Variants in CACNA2D3 observed in about 807,000 individuals in gnomAD.
CACNA2D3 encodes the protein calcium voltage-gated channel auxiliary subunit alpha2delta 3.
Under a neutral mutation model 160.6 loss-of-function variants are expected in CACNA2D3, and 60 were observed. The ratio of observed to expected loss-of-function variants is 0.37; its 90% CI spans 0.30 to 0.46. CACNA2D3 has a LOEUF of 0.46. Ranked by LOEUF, CACNA2D3 falls within the 20% of genes least tolerant of loss-of-function variation. The probability of loss-of-function intolerance (pLI) is 1.00; values close to 1 mark genes in which losing one functional copy is unlikely to be tolerated. For synonymous variants in CACNA2D3, 558 were observed against 492.9 expected, an observed-to-expected ratio of 1.13 and a Z score of -1.75; for missense variants, 1,205 against 1,365.0, an observed-to-expected ratio of 0.88 and a Z score of 1.85.
intron 2 of CACNA2D3, among the ~76,000 whole-genome samples, chr3:54,205,929 A>T (rs1199821961): frequency 6.6e-6 from 1 of 152,218 alleles, no homozygotes; most frequent in Non-Finnish European, 1.5e-5. Flanking sequence ...AAGTACGCTC[A>T]TGTGATATTT....
intron 4 of CACNA2D3, among the ~76,000 whole-genome samples, chr3:54,450,296 C>T (rs1262833712): frequency 6.6e-6 from 1 of 152,202 alleles, no homozygotes; most frequent in Non-Finnish European, 1.5e-5. Context: ...ACAATTTAGC[C>T]TACAACATAT....
At chr3:54,543,774 C>G (rs1356625253) in intron 5 of CACNA2D3, among the ~76,000 whole-genome samples, 1 of 152,198 alleles carries the variant, frequency 6.6e-6, no homozygotes, top group South Asian at 2.1e-4. Flanking sequence ...TTGTCTTTCT[C>G]TTTGGCACAA....
intron 2 of CACNA2D3, among the ~76,000 whole-genome samples, chr3:54,150,487 G>T (rs1700127707): frequency 6.6e-6 from 1 of 152,160 alleles, no homozygotes; most frequent in Non-Finnish European, 1.5e-5. Flanking sequence ...TTCCTGTCTT[G>T]CTTCTTCAGC....
At chr3:54,377,551 A>C (rs964238517) in intron 3 of CACNA2D3, among the ~76,000 whole-genome samples, 3 of 152,166 alleles carry the variant, frequency 2.0e-5, no homozygotes, top group African/African-American at 7.2e-5. Context: ...CCTTTGGGAA[A>C]TTTTTGTATG....
intron 2 of CACNA2D3, among the ~76,000 whole-genome samples, chr3:54,201,345 A>G (rs1421278144): frequency 6.6e-6 from 1 of 152,246 alleles, no homozygotes. Context: ...TTAAACAATT[A>G]GAGCCATGAT....
rs147882910 is a variant in CACNA2D3, at chr3:54,380,228, C to T, written c.322-6487C>T. 2.8e-3 allele frequency among the ~76,000 whole-genome samples: 430 copies of T among 152,276 alleles called. 4 individuals carry two copies. Among genetic ancestry groups the T allele is most frequent in the Middle Eastern group, 0.02 (6 of 294 alleles). On this transcript the variant is annotated intron_variant, in intron 3 of 37. Transcript: ENST00000474759. ...TCCTGGAAACATCTTTTGATGTGCTCAGTGCCCTTAATGAGGGTAGAGATT... is the reference window on the plus strand; with the variant it reads ...TCCTGGAAACATCTTTTGATGTGCTTAGTGCCCTTAATGAGGGTAGAGATT...
At chr3:54,936,461 T>G (rs928093798) in intron 27 of CACNA2D3, among the ~76,000 whole-genome samples, 1 of 152,192 alleles carries the variant, frequency 6.6e-6, no homozygotes, top group Non-Finnish European at 1.5e-5. Context: ...AAGTTGATTG[T>G]TAGTATCATG....
chr3:54,993,920 GTT>G (rs1215797990), intron 31 of CACNA2D3, among the ~76,000 whole-genome samples: 1 of 133,016 alleles, frequency 7.5e-6, no homozygotes, highest in East Asian at 2.2e-4. Flanking sequence ...GTGTGTGTGT[GTT>G]TTGTGTGTGT....
intron 4 of CACNA2D3, among the ~76,000 whole-genome samples, chr3:54,393,017 G>A (rs971956456): frequency 1.3e-5 from 2 of 152,178 alleles, no homozygotes; most frequent in South Asian, 2.1e-4. Flanking sequence ...GGATTTTGAT[G>A]AAAATAACTA....
intron 11 of CACNA2D3, among the ~76,000 whole-genome samples, chr3:54,661,891 T>TGTGTGTGTG (rs1575411653): frequency 2.1e-5 from 3 of 145,102 alleles, no homozygotes; most frequent in Admixed American, 1.4e-4. Flanking sequence ...TGTGTGTGTG[T>TGTGTGTGTG]TAAAAAGATA....
rs3028897 is a variant in CACNA2D3, at chr3:54,445,555, TACACAC to T, written c.382-57908_382-57903del. On this transcript the variant is annotated intron_variant, in intron 4 of 37. Coordinates refer to ENST00000474759, the MANE Select transcript of CACNA2D3 (RefSeq NM_018398.3). ...TATGTATACTTTTTATTTCTATGTA[TACACAC>T]ACACACACACACACACACACACACA... Among the ~76,000 whole-genome samples, 1,359 of 147,170 alleles carry T rather than the reference TACACAC, an allele frequency of 9.2e-3. 22 individuals carry two copies. The highest frequency in any genetic ancestry group is 0.03 in the African/African-American group (1,180 of 39,960).
At chr3:54,652,224 G>A (rs1575406864) in intron 11 of CACNA2D3, among the ~76,000 whole-genome samples, 1 of 148,386 alleles carries the variant, frequency 6.7e-6, no homozygotes, top group East Asian at 2.0e-4. Context: ...GGTGGCAAAC[G>A]TTGCTGGCAG....
intron 28 of CACNA2D3, 84 bp from the exon 29 acceptor site, chr3:54,969,716 A>T: frequency 8.9e-7 from 1 of 1,124,192 alleles, no homozygotes; most frequent in Non-Finnish European, 1.3e-6. Flanking sequence ...GCTTGTCCTT[A>T]AGTAGCTCAG....
intron 3 of CACNA2D3, among the ~76,000 whole-genome samples, chr3:54,351,589 T>A (rs567656502): frequency 6.6e-6 from 1 of 152,312 alleles, no homozygotes; most frequent in South Asian, 2.1e-4. Context: ...TATGGTTCCA[T>A]TTTGTGTTTA....
intron 27 of CACNA2D3, among the ~76,000 whole-genome samples, chr3:54,935,473 C>A (rs148690445): frequency 1.3e-5 from 2 of 152,118 alleles, no homozygotes; most frequent in Non-Finnish European, 1.5e-5. Context: ...AAGAAACAAA[C>A]GGATCAAGAA....
intron 8 of CACNA2D3, among the ~76,000 whole-genome samples, chr3:54,573,043 A>C (rs1332357463): frequency 6.6e-6 from 1 of 152,200 alleles, no homozygotes; most frequent in South Asian, 2.1e-4. Context: ...TAGAAGAGTT[A>C]AGAAAAAAAA....
intron 2 of CACNA2D3, among the ~76,000 whole-genome samples, chr3:54,179,496 G>T (rs993003353): frequency 1.3e-5 from 2 of 152,214 alleles, no homozygotes; most frequent in Non-Finnish European, 2.9e-5. Context: ...CATGCCTCCT[G>T]CCCAGTGGTG....
At chr3:54,477,356 G>T (rs937755072) in intron 4 of CACNA2D3, among the ~76,000 whole-genome samples, 1 of 151,986 alleles carries the variant, frequency 6.6e-6, no homozygotes, top group Non-Finnish European at 1.5e-5. Context: ...CATGCATTGC[G>T]AATCTAGGAC....
chr3:54,828,166 G>A (rs573199679), intron 14 of CACNA2D3, among the ~76,000 whole-genome samples: 86 of 152,320 alleles, frequency 5.6e-4, no homozygotes, highest in Middle Eastern at 6.8e-3. Flanking sequence ...GGGCCCCAAA[G>A]CTCTGACAGT....
Sources: gnomAD v4.1 joint callset for allele counts (sites outside exome capture counted in the v4.1 genomes callset) on GRCh38, gnomAD v4.1.1 for gene constraint, MANE v1.5 for transcripts, NCBI Gene and HGNC (gene_info 2026-07-23, HGNC 2026-07-21) for gene names.